RADIL: variants seen among roughly 807,000 people sequenced by gnomAD.
RADIL encodes Rap associating with DIL domain.
In RADIL, 99 loss-of-function variants were observed where a neutral mutation model predicts 97.6. That is an observed-to-expected ratio of 1.01 (90% CI 0.86 to 1.20). The LOEUF (loss-of-function observed/expected upper bound fraction) is 1.20. Among genes scored for constraint, RADIL ranks in the 50% most tolerant of loss-of-function variants. The pLI is 0.00. For missense variants in RADIL, 1,765 were observed against 1,498.9 expected (o/e 1.18, Z -2.93); for synonymous variants, 803 against 691.8 (o/e 1.16, Z -2.52).
In RADIL at chr7:4,799,619, G is replaced by T. The variant is rs765658413; in HGVS notation, c.3122+11C>A. 1.2e-6 allele frequency: 2 copies of T among 1,605,572 alleles called. No homozygotes were observed. Among genetic ancestry groups the T allele is most frequent in the Non-Finnish European group, 8.5e-7 (1 of 1,175,938 alleles). ...GGGAGAAGGGGCCGGGCGTGCATGC[G>T]GTGGGGGTACCTCAGGTAGCCAAGG... On this transcript the variant is annotated intron_variant, in intron 14 of 14. Coordinates refer to ENST00000399583, the MANE Select transcript of RADIL (RefSeq NM_018059.5).
intron 2 of RADIL, among the ~76,000 whole-genome samples, chr7:4,844,318 G>T (rs185572908): frequency 5.3e-5 from 8 of 151,284 alleles, no homozygotes; most frequent in African/African-American, 1.9e-4. Flanking sequence ...GGTGGCACGC[G>T]CCTGTAGTCC....
Position 4,840,388 on chromosome 7 carries a change from G to A in RADIL, c.536-3783C>T, listed in dbSNP as rs1394480803. On this transcript the variant is annotated intron_variant, in intron 2 of 14. Transcript: ENST00000399583. The surrounding 1 kb of genome is among the most constrained non-coding windows in gnomAD (Gnocchi z 5.6). Reference sequence around the variant, plus strand: ...TTGGGTGGAGGGAGACAGGAGCCGAGGCACGTGGAGAGCATCCCTCGTGAT... The same window carrying A: ...TTGGGTGGAGGGAGACAGGAGCCGAAGCACGTGGAGAGCATCCCTCGTGAT... Among the ~76,000 whole-genome samples, 5 of 152,140 alleles carry A rather than the reference G, an allele frequency of 3.3e-5. No homozygotes were observed. The highest frequency in any genetic ancestry group is 1.2e-4 in the African/African-American group (5 of 41,418).
intron 13 of RADIL, among the ~76,000 whole-genome samples, 174 bp downstream of exon 13, chr7:4,799,997 G>T (rs745318188): frequency 2.6e-5 from 4 of 152,200 alleles, no homozygotes; most frequent in Non-Finnish European, 4.4e-5. Context: ...AGGCCCAGGG[G>T]GCGTGGCCGT....
intron 2 of RADIL, among the ~76,000 whole-genome samples, chr7:4,871,289 C>A (rs1336545229): frequency 6.6e-6 from 1 of 152,234 alleles, no homozygotes; most frequent in Non-Finnish European, 1.5e-5. Flanking sequence ...AAGTCAGAGT[C>A]ATAGCGGAAG....
intron 4 of RADIL, among the ~76,000 whole-genome samples, chr7:4,833,929 G>A (rs995736935): frequency 1.3e-5 from 2 of 152,196 alleles, no homozygotes; most frequent in Non-Finnish European, 1.5e-5. Context: ...GTGTGTGTGT[G>A]TGGCGGGGCG....
chr7:4,877,693 G>A lies in RADIL; in HGVS notation c.447C>T (p.Pro149=), dbSNP rs746780864. 1 of 1,614,058 alleles carries A rather than the reference G, an allele frequency of 6.2e-7. No homozygotes were observed. The highest frequency in any genetic ancestry group is 1.3e-5 in the African/African-American group (1 of 74,944). The part of the protein sequence containing the change: ...KPLLIQELWK[P]REGLSRRFEL... ...CAAACCTCCGGGATAAACCTTCTCG[G>A]GGTTTCCATAATTCCTGGATCAAGA... Residue 149 remains proline (P), a synonymous_variant, in exon 2 of 15, where the codon CCC becomes CCT. Transcript: ENST00000399583.
intron 10 of RADIL, among the ~76,000 whole-genome samples, chr7:4,804,435 G>C (rs1583260719): frequency 6.6e-6 from 1 of 152,252 alleles, no homozygotes; most frequent in African/African-American, 2.4e-5. Context: ...ACTCTGTTTT[G>C]TTGAGGTGTT....
intron 2 of RADIL, among the ~76,000 whole-genome samples, chr7:4,868,149 G>A (rs1191687719): frequency 3.3e-5 from 5 of 151,982 alleles, no homozygotes; most frequent in African/African-American, 7.2e-5. Flanking sequence ...TGCAAGCTCC[G>A]CCTCCCGGGT....
chr7:4,854,389 T>A lies in RADIL; in HGVS notation c.536-17784A>T, dbSNP rs1376122983. On this transcript the variant is annotated intron_variant, in intron 2 of 14. Coordinates refer to ENST00000399583, the MANE Select transcript of RADIL (RefSeq NM_018059.5). This position sits in a 1 kb window ranked among gnomAD's most constrained non-coding sequence, Gnocchi z 5.1. ...GGGTGGTGTTTGGTTTTTGTCATTG[T>A]TGATAAAGAGGTTACCACTTTGGGC... is the stretch of plus-strand genomic sequence containing the variant. Among the ~76,000 whole-genome samples, 1 of 152,174 alleles carries A rather than the reference T, an allele frequency of 6.6e-6. No individual in the cohort carries two copies. Among genetic ancestry groups the A allele is most frequent in the Non-Finnish European group, 1.5e-5 (1 of 68,028 alleles).
At position 4,842,201 on chromosome 7, in the gene RADIL, G is replaced by A. The variant is rs575183466; in HGVS notation, c.536-5596C>T. Reference sequence around the variant, plus strand: ...GAAGGAGTAGAAAGTGCAGGGCGCCGGGGCAATGGGGAAGATGGGGATGGG... The same window carrying A: ...GAAGGAGTAGAAAGTGCAGGGCGCCAGGGCAATGGGGAAGATGGGGATGGG... On this transcript the variant is annotated intron_variant, in intron 2 of 14. Transcript: ENST00000399583. This position sits in a 1 kb window ranked among gnomAD's most constrained non-coding sequence, Gnocchi z 4.5. 1.4e-4 allele frequency among the ~76,000 whole-genome samples: 21 copies of A among 152,164 alleles called. No individual in the cohort carries two copies. The highest frequency in any genetic ancestry group is 2.1e-4 in the Non-Finnish European group (14 of 68,036).
At chr7:4,828,896 G>A (rs1783067667) in intron 5 of RADIL, among the ~76,000 whole-genome samples, 1 of 151,888 alleles carries the variant, frequency 6.6e-6, no homozygotes, top group Non-Finnish European at 1.5e-5. Context: ...ACCCAGAGCT[G>A]CGCTTCAGCT....
rs73318156 is a variant in RADIL at position 4,879,992 on chromosome 7, A to G, written c.-64-1789T>C. Among the ~76,000 whole-genome samples the G allele has an allele frequency of 0.016, 2,480 of 152,272 alleles. 62 individuals carry two copies. The highest frequency in any genetic ancestry group is 0.055 in the African/African-American group (2,271 of 41,544). On this transcript the variant is annotated intron_variant, in intron 1 of 14. Transcript: ENST00000399583. The surrounding 1 kb of genome is among the most constrained non-coding windows in gnomAD (Gnocchi z 4.1). Reference sequence around the variant, plus strand: ...TCAGAAATACTTCCGACAGCTTCGCACACCAGAGACTGGGTTCCCAACGCG... The same window carrying G: ...TCAGAAATACTTCCGACAGCTTCGCGCACCAGAGACTGGGTTCCCAACGCG...
Position 4,849,953 on chromosome 7 carries a change from C to G in RADIL, c.536-13348G>C, listed in dbSNP as rs1007117183. ...CTGGTGATCTTACTACTGATAACATCTTTTCTTGGTGAAATATAGTATATG... is the reference window on the plus strand; with the variant it reads ...CTGGTGATCTTACTACTGATAACATGTTTTCTTGGTGAAATATAGTATATG... On this transcript the variant is annotated intron_variant, in intron 2 of 14. Transcript: ENST00000399583. This position sits in a 1 kb window ranked among gnomAD's most constrained non-coding sequence, Gnocchi z 5.4. Among the ~76,000 whole-genome samples the G allele has an allele frequency of 1.1e-4, 12 of 111,334 alleles. No individual in the cohort carries two copies. 73.0% of individuals were successfully genotyped at this position (111,334 alleles called of 152,430 possible).
intron 2 of RADIL, among the ~76,000 whole-genome samples, chr7:4,876,593 G>A (rs953013360): frequency 1.3e-5 from 2 of 151,816 alleles, no homozygotes; most frequent in Admixed American, 6.5e-5. Flanking sequence ...GAGCCACCGC[G>A]CCTGGCCAAA....
rs1443269030 is a variant in RADIL, at chr7:4,818,888, C to A, written c.1616-1537G>T. The stretch of plus-strand genomic sequence containing the variant: ...GAAACCACAAAGCAGCCTCCAGCCA[C>A]CCACCACGGGCCTGAGACTCCATTT... On this transcript the variant is annotated intron_variant, in intron 6 of 14. Coordinates refer to ENST00000399583, the MANE Select transcript of RADIL (RefSeq NM_018059.5). The surrounding 1 kb of genome is among the most constrained non-coding windows in gnomAD (Gnocchi z 7.1). 6.6e-6 allele frequency among the ~76,000 whole-genome samples: 1 copy of A among 152,140 alleles called. No individual in the cohort carries two copies. Among genetic ancestry groups the A allele is most frequent in the Non-Finnish European group, 1.5e-5 (1 of 68,014 alleles).
intron 2 of RADIL, among the ~76,000 whole-genome samples, chr7:4,869,827 C>A (rs189735005): frequency 6.6e-6 from 1 of 152,254 alleles, no homozygotes; most frequent in African/African-American, 2.4e-5. Flanking sequence ...GAATCTGACT[C>A]TTTCGCAAAG....
chr7:4,877,980 C>A lies in RADIL; in HGVS notation c.160G>T (p.Glu54Ter), dbSNP rs920807790. The A allele has an allele frequency of 6.2e-7, 1 of 1,611,870 alleles. No individual in the cohort carries two copies. ...SSLGASDDPA[E>*]LSTQLSAPGV... The stretch of plus-strand genomic sequence containing the variant: ...GGGGCCGACAGCTGGGTGGAGAGCT[C>A]GGCGGGGTCATCGCTGGCGCCCAGG... The change falls in exon 2 of 15, where the codon GAG (glutamate) becomes TAG (stop). Residue 54 changes from glutamate to a stop codon, truncating the protein, a stop_gained. Coordinates refer to ENST00000399583, the MANE Select transcript of RADIL (RefSeq NM_018059.5). LOFTEE classifies it high-confidence loss of function.
In RADIL at chr7:4,800,164, C is replaced by G; in HGVS notation, c.2982+7G>C. 1 of 1,602,484 alleles carries G rather than the reference C, an allele frequency of 6.2e-7. No homozygotes were observed. Among genetic ancestry groups the G allele is most frequent in the Non-Finnish European group, 8.5e-7 (1 of 1,176,004 alleles). ...TGGGGGTGCGGCGAGGGTCCTGGGC[C>G]ACTCACCATCCCGTCGATCAGGCCC... On this transcript the variant is annotated splice_region_variant and intron_variant, in intron 13 of 14. Coordinates refer to ENST00000399583, the MANE Select transcript of RADIL (RefSeq NM_018059.5).
In RADIL at chr7:4,846,388, A is replaced by G. The variant is rs886829622; in HGVS notation, c.536-9783T>C. The stretch of plus-strand genomic sequence containing the variant: ...TCTCGATCTCCTGACCTCGTGAGCC[A>G]CCCGCCTCAGCCTCCCAAAGTGCTG... On this transcript the variant is annotated intron_variant, in intron 2 of 14. Transcript: ENST00000399583. 9.2e-5 allele frequency among the ~76,000 whole-genome samples: 14 copies of G among 151,540 alleles called. No homozygotes were observed. In the East Asian group the frequency reaches 2.2e-3, roughly 23 times the overall value.
Sources: gnomAD v4.1 joint callset for allele counts (sites outside exome capture counted in the v4.1 genomes callset) on GRCh38, gnomAD v4.1.1 for gene constraint, Gnocchi (gnomAD v3.1) non-coding constraint, MANE v1.5 for transcripts, NCBI Gene and HGNC (gene_info 2026-07-23, HGNC 2026-07-21) for gene names.